The following ADAMTSL2 variants were observed in gnomAD, a reference collection of about 807,000 sequenced individuals.
The protein encoded by ADAMTSL2 is ADAMTS like 2.
ADAMTSL2 carries 55 observed loss-of-function variants against 117.0 expected under a neutral mutation model. The observed-to-expected ratio is 0.47, with a 90% CI of 0.38 to 0.59. The LOEUF (loss-of-function observed/expected upper bound fraction) is 0.59. Ranked by LOEUF, ADAMTSL2 falls within the 20% of genes least tolerant of loss-of-function variation. The pLI is 0.00. For synonymous variants in ADAMTSL2, 572 were observed against 566.4 expected, an observed-to-expected ratio of 1.01 and a Z score of -0.14; for missense variants, 1,182 against 1,354.5, an observed-to-expected ratio of 0.87 and a Z score of 2.00.
At chr9:133,555,438 T>C in intron 10 of ADAMTSL2, 120 bp from the exon 11 acceptor site, 1 of 1,307,982 alleles carries the variant, frequency 7.6e-7, no homozygotes, top group South Asian at 1.3e-5. Context: ...GCCCTCCTTC[T>C]GGGAGCTTCT....
chr9:133,534,744 C>A lies in ADAMTSL2; in HGVS notation c.-324C>A. The A allele has an allele frequency of 7.0e-7, 1 of 1,428,966 alleles. No individual in the cohort carries two copies. The highest frequency in any genetic ancestry group is 2.8e-5 in the Admixed American group (1 of 36,222). 88.5% of individuals were successfully genotyped at this position (1,428,966 alleles called of 1,614,324 possible). A position where few individuals can be genotyped will look rare whatever the true frequency, so the allele number is the denominator to read the frequency against. The stretch of plus-strand genomic sequence containing the variant: ...TCCCGGGAACCCCCTCTCTTGGATG[C>A]TCTTTGAAGTGGGAGAGGGAGGCGG... On this transcript the variant is annotated 5_prime_UTR_variant, in exon 1 of 19. Coordinates refer to ENST00000651351, the MANE Select transcript of ADAMTSL2 (RefSeq NM_014694.4).
At position 133,554,734 on chromosome 9, in the gene ADAMTSL2, G is replaced by A; in HGVS notation, c.1276+41G>A. On this transcript the variant is annotated intron_variant, in intron 10 of 18. Transcript: ENST00000651351. The surrounding 1 kb of genome is among the most constrained non-coding windows in gnomAD (Gnocchi z 5.2). ...GAGGCATGAGGGTGGGGCCCGGGAG[G>A]CAGCCCAGGGAAGGGGGCCTTGGGG... The A allele has an allele frequency of 6.9e-7, 1 of 1,443,976 alleles. No individual in the cohort carries two copies. Among genetic ancestry groups the A allele is most frequent in the East Asian group, 2.5e-5 (1 of 39,986 alleles). The allele number at this position is 1,443,976 out of a possible 1,614,324, so 89.4% of individuals were successfully genotyped here. A position where few individuals can be genotyped will look rare whatever the true frequency, so the allele number is the denominator to read the frequency against.
chr9:133,563,818 G>GGGGA (rs1830807362), intron 12 of ADAMTSL2, among the ~76,000 whole-genome samples: 1 of 33,492 alleles, frequency 3.0e-5, no homozygotes, highest in Admixed American at 3.3e-4. Context: ...AGAGAAAGGG[G>GGGGA]GAGAGAGAGA....
chr9:133,534,521 C>T (rs1357608605), upstream of ADAMTSL2: 1 of 603,372 alleles, frequency 1.7e-6, no homozygotes, highest in Non-Finnish European at 2.4e-6. Context: ...GCTCCTGGGC[C>T]GCCGCCGCCG....
chr9:133,534,744 C>T lies in ADAMTSL2; in HGVS notation c.-324C>T. ...TCCCGGGAACCCCCTCTCTTGGATG[C>T]TCTTTGAAGTGGGAGAGGGAGGCGG... On this transcript the variant is annotated 5_prime_UTR_variant, in exon 1 of 19. Transcript: ENST00000651351. 1 of 1,428,966 alleles carries T rather than the reference C, an allele frequency of 7.0e-7. No homozygotes were observed. The highest frequency in any genetic ancestry group is 9.2e-7 in the Non-Finnish European group (1 of 1,084,392). The allele number at this position is 1,428,966 out of a possible 1,614,324, so 88.5% of individuals were successfully genotyped here.
chr9:133,540,785 G>T, intron 6 of ADAMTSL2, 42 bp downstream of exon 6: 2 of 1,613,472 alleles, frequency 1.2e-6, no homozygotes, highest in Non-Finnish European at 1.7e-6. Context: ...GTCTCACTGT[G>T]CTGACTGCCC....
chr9:133,537,573 A>AG (rs950758311), intron 3 of ADAMTSL2, 26 bp downstream of exon 3: 2 of 1,335,966 alleles, frequency 1.5e-6, no homozygotes, highest in African/African-American at 3.0e-5. Context: ...CGTGGCCCTG[A>AG]GGGGATGGCA....
In ADAMTSL2 at chr9:133,574,845, G is replaced by T; in HGVS notation, c.2837G>T (p.Cys946Phe). The T allele has an allele frequency of 6.2e-7, 1 of 1,613,312 alleles. No individual in the cohort carries two copies. Among genetic ancestry groups the T allele is most frequent in the South Asian group, 1.1e-5 (1 of 91,084 alleles). Residue 946 changes from cysteine to phenylalanine, a missense_variant, in exon 19 of 19, where the codon TGC (cysteine) becomes TTC (phenylalanine). By Grantham distance (205) the Cys-to-Phe change is radical. Around this residue, in one of 3 missense-constraint regions of ADAMTSL2, gnomAD observed 465 missense variants for 565.3 expected, o/e 0.82. Transcript: ENST00000651351. ...TACAGCAAGGCGTGCTGCCGCTCCT[G>T]CAGGCCCCCCCACTCCTAGGCCCGG... ...WYYSKACCRS[C>F]RPPHS
At chr9:133,544,842 G>T (rs775961911) in intron 8 of ADAMTSL2, among the ~76,000 whole-genome samples, 1 of 152,198 alleles carries the variant, frequency 6.6e-6, no homozygotes, top group African/African-American at 2.4e-5. Context: ...CGAGAGCCTG[G>T]CACAGGCAGA....
At chr9:133,570,036 A>C (rs1027833904) in intron 16 of ADAMTSL2, among the ~76,000 whole-genome samples, 6 of 152,260 alleles carry the variant, frequency 3.9e-5, no homozygotes, top group African/African-American at 7.2e-5. Context: ...TAAACCGGAT[A>C]ATCTCGAGCC....
At chr9:133,555,511 C>T in intron 10 of ADAMTSL2, 47 bp from the exon 11 acceptor site, 4 of 1,612,244 alleles carry the variant, frequency 2.5e-6, no homozygotes, top group Non-Finnish European at 2.5e-6. Context: ...GCCCTTGCCC[C>T]CAGGGCTCGG....
intron 9 of ADAMTSL2, among the ~76,000 whole-genome samples, chr9:133,548,204 C>T (rs781680244): frequency 2.6e-5 from 4 of 152,328 alleles, no homozygotes; most frequent in Admixed American, 6.5e-5. Flanking sequence ...GTGAGTGGCA[C>T]GACTGGGCTT....
At chr9:133,552,040 G>C (rs1830498876) in intron 9 of ADAMTSL2, among the ~76,000 whole-genome samples, 1 of 152,056 alleles carries the variant, frequency 6.6e-6, no homozygotes, top group Non-Finnish European at 1.5e-5. Context: ...ATGTTGGCCA[G>C]GCTGGTCTCA....
At position 133,558,815 on chromosome 9, in the gene ADAMTSL2, G is replaced by A. The variant is rs1366367853; in HGVS notation, c.1650-2383G>A. On this transcript the variant is annotated intron_variant, in intron 11 of 18. Coordinates refer to ENST00000651351, the MANE Select transcript of ADAMTSL2 (RefSeq NM_014694.4). This position sits in a 1 kb window ranked among gnomAD's most constrained non-coding sequence, Gnocchi z 4.3. ...TTTCCTTGGTGTTCCGCTTCCCTGT[G>A]CTACTTCCAAGAACGGAACCTGCTA... 2.6e-5 allele frequency among the ~76,000 whole-genome samples: 4 copies of A among 152,200 alleles called. No homozygotes were observed. Among genetic ancestry groups the A allele is most frequent in the African/African-American group, 9.7e-5 (4 of 41,450 alleles).
At chr9:133,540,818 C>T (rs1830203149) in intron 6 of ADAMTSL2, 60 bp from the exon 7 acceptor site, 15 of 1,613,152 alleles carry the variant, frequency 9.3e-6, no homozygotes, top group South Asian at 4.4e-5. Flanking sequence ...GAGGCAGTGG[C>T]GGCCCCGGGG....
rs1049532821 is a variant in ADAMTSL2, at chr9:133,546,967, C to A, written c.764-71C>A. On this transcript the variant is annotated intron_variant, in intron 8 of 18. Coordinates refer to ENST00000651351, the MANE Select transcript of ADAMTSL2 (RefSeq NM_014694.4). ...TGGAGGGCAGGGCTGGTGGTGGTTC[C>A]CTGAGTTGGTGACACTGGCTCCTCC... 3.4e-5 allele frequency: 52 copies of A among 1,515,878 alleles called. No homozygotes were observed. The Admixed American group carries it at 8.4e-4, about 24-fold the overall frequency. The allele number at this position is 1,515,878 out of a possible 1,614,324, so 93.9% of individuals were successfully genotyped here. A position where few individuals can be genotyped will look rare whatever the true frequency, so the allele number is the denominator to read the frequency against.
chr9:133,571,041 C>T (rs1831094502), intron 17 of ADAMTSL2, among the ~76,000 whole-genome samples: 1 of 152,178 alleles, frequency 6.6e-6, no homozygotes, highest in African/African-American at 2.4e-5. Flanking sequence ...ACTCTTGGGC[C>T]CCCAGAATGC....
chr9:133,540,832 G>C (rs373865253), intron 6 of ADAMTSL2, 46 bp from the exon 7 acceptor site: 12 of 1,613,128 alleles, frequency 7.4e-6, no homozygotes, highest in Non-Finnish European at 1.0e-5. Context: ...CCCGGGGCCT[G>C]GCCACAGCGC....
chr9:133,542,031 C>T (rs1830236844), intron 7 of ADAMTSL2, among the ~76,000 whole-genome samples: 1 of 152,208 alleles, frequency 6.6e-6, no homozygotes, highest in Non-Finnish European at 1.5e-5. Context: ...AATAATCTGT[C>T]AAGGTCCCAA....
Sources: gnomAD v4.1 joint callset for allele counts (sites outside exome capture counted in the v4.1 genomes callset) on GRCh38, gnomAD v4.1.1 for gene constraint, gnomAD v4.1.1 regional missense constraint, Gnocchi (gnomAD v3.1) non-coding constraint, MANE v1.5 for transcripts, NCBI Gene and HGNC (gene_info 2026-07-23, HGNC 2026-07-21) for gene names.